The following RYR2 variants were observed in gnomAD, a reference collection of about 807,000 sequenced individuals.
RYR2 encodes the protein cardiac muscle ryanodine receptor-calcium release channel.
Under a neutral mutation model 601.1 loss-of-function variants are expected in RYR2, and 227 were observed. That is an observed-to-expected ratio of 0.38 (90% CI 0.34 to 0.42). The LOEUF (loss-of-function observed/expected upper bound fraction) is 0.42. Among genes scored for constraint, RYR2 ranks in the 10% least tolerant of loss-of-function variants. The pLI, the probability that RYR2 is intolerant of heterozygous loss-of-function variation, is 1.00. For synonymous variants in RYR2, 2,223 were observed against 2,175.1 expected (o/e 1.02, Z -0.61); for missense variants, 4,646 against 6,156.5 (o/e 0.75, Z 8.21).
chr1:237,370,720 G>T (rs1320675802), intron 6 of RYR2, among the ~76,000 whole-genome samples: 1 of 150,144 alleles, frequency 6.7e-6, no homozygotes, highest in Non-Finnish European at 1.5e-5. Context: ...GAGTGCAGTG[G>T]CGCGATCTCG....
intron 1 of RYR2, among the ~76,000 whole-genome samples, chr1:237,099,761 G>A (rs1288926677): frequency 6.6e-6 from 1 of 152,218 alleles, no homozygotes; most frequent in East Asian, 1.9e-4. Flanking sequence ...GGAAAAAGAA[G>A]GAAGAGGTGA....
chr1:237,722,332 T>C (rs1689796748), intron 73 of RYR2, among the ~76,000 whole-genome samples: 2 of 152,182 alleles, frequency 1.3e-5, no homozygotes, highest in South Asian at 2.1e-4. Flanking sequence ...TTTGTTTTAG[T>C]AGCCCTTATC....
Position 237,331,021 on chromosome 1 carries a change from G to C in RYR2, c.273+39G>C, listed in dbSNP as rs757047446. 2.7e-6 allele frequency: 4 copies of C among 1,485,714 alleles called. No individual in the cohort carries two copies. In the Admixed American group the frequency reaches 6.7e-5, roughly 25 times the overall value. 92.0% of individuals were successfully genotyped at this position (1,485,714 alleles called of 1,614,324 possible). On this transcript the variant is annotated intron_variant, in intron 3 of 104. Coordinates refer to ENST00000366574, the MANE Select transcript of RYR2 (RefSeq NM_001035.3). ...TTATGTAGACTTGTAGTATTTTAAT[G>C]AGCTCAGCTACTATAGGAACAATTT...
chr1:237,303,431 C>T (rs1328538411), intron 2 of RYR2, among the ~76,000 whole-genome samples: 1 of 150,184 alleles, frequency 6.7e-6, no homozygotes, highest in Non-Finnish European at 1.5e-5. Context: ...TCCCAAGTAG[C>T]TGGGATTACG....
chr1:237,150,727 C>T (rs189663852), intron 1 of RYR2, among the ~76,000 whole-genome samples: 14 of 152,108 alleles, frequency 9.2e-5, no homozygotes, highest in African/African-American at 2.4e-4. Flanking sequence ...TTGACAATGC[C>T]GAGATGAAGC....
intron 1 of RYR2, among the ~76,000 whole-genome samples, chr1:237,045,043 G>T (rs1660406249): frequency 6.6e-6 from 1 of 150,832 alleles, no homozygotes; most frequent in South Asian, 2.1e-4. Flanking sequence ...AAGAATTCTT[G>T]ATAGTGATGG....
chr1:237,217,431 A>C lies in RYR2; in HGVS notation c.49-53066A>C, dbSNP rs1428923755. ...TTGGATATCAGCTAGTTGTTACCAA[A>C]GTGCTTTAGGTGGTGGCTAAAAATG... is the stretch of plus-strand genomic sequence containing the variant. On this transcript the variant is annotated intron_variant, in intron 1 of 104. Coordinates refer to ENST00000366574, the MANE Select transcript of RYR2 (RefSeq NM_001035.3). Among the ~76,000 whole-genome samples the C allele has an allele frequency of 2.6e-5, 4 of 152,122 alleles. 1 individual carries two copies. The highest frequency in any genetic ancestry group is 9.7e-5 in the African/African-American group (4 of 41,418).
intron 12 of RYR2, among the ~76,000 whole-genome samples, chr1:237,440,140 A>G (rs1186883615): frequency 6.6e-6 from 1 of 152,108 alleles, no homozygotes; most frequent in Non-Finnish European, 1.5e-5. Context: ...TCAATTGTTT[A>G]TGGAGTGTTC....
At chr1:237,277,870 G>C (rs116189620) in intron 2 of RYR2, among the ~76,000 whole-genome samples, 2 of 152,052 alleles carry the variant, frequency 1.3e-5, no homozygotes, top group Non-Finnish European at 2.9e-5. Flanking sequence ...TAGGCCAACT[G>C]TTCACAAATA....
At chr1:237,565,639 G>A (rs567034983) in intron 27 of RYR2, among the ~76,000 whole-genome samples, 1 of 152,250 alleles carries the variant, frequency 6.6e-6, no homozygotes, top group South Asian at 2.1e-4. Flanking sequence ...CAGCTCCCAA[G>A]TTCCACCATT....
At chr1:237,351,348 G>A (rs146129437) in intron 3 of RYR2, among the ~76,000 whole-genome samples, 4 of 152,022 alleles carry the variant, frequency 2.6e-5, no homozygotes, top group African/African-American at 9.6e-5. Context: ...TTATGAAGTA[G>A]AATTTATGTA....
At position 237,828,419 on chromosome 1, in the gene RYR2, C is replaced by T; in HGVS notation, c.14629C>T (p.Gln4877Ter). 1 of 1,567,360 alleles carries T rather than the reference C, an allele frequency of 6.4e-7. No individual in the cohort carries two copies. Among genetic ancestry groups the T allele is most frequent in the Non-Finnish European group, 8.7e-7 (1 of 1,153,868 alleles). ...TGCTTTTGGAGAACTAAGAGACCAA[C>T]AGGAACAAGTCAAAGAAGACATGGA... Reference protein sequence around the residue: ...IDAFGELRDQQEQVKEDMETK... With the variant: ...IDAFGELRDQ The change falls in exon 102 of 105, where the codon CAG becomes TAG. Residue 4877 changes from glutamine to a stop codon, truncating the protein, a stop_gained. Transcript: ENST00000366574. LOFTEE classifies it high-confidence loss of function.
chr1:237,691,580 G>A (rs1051245603), intron 63 of RYR2, among the ~76,000 whole-genome samples: 33 of 152,170 alleles, frequency 2.2e-4, no homozygotes, highest in African/African-American at 7.7e-4. Flanking sequence ...ACACTATACA[G>A]GAATTAAGAT....
At chr1:237,533,852 T>G (rs1480661155) in intron 25 of RYR2, among the ~76,000 whole-genome samples, 1 of 152,136 alleles carries the variant, frequency 6.6e-6, no homozygotes, top group Non-Finnish European at 1.5e-5. Flanking sequence ...TTAGTAATGT[T>G]CTAATTGTTA....
At position 237,687,464 on chromosome 1, in the gene RYR2, C is replaced by A; in HGVS notation, c.9027C>A (p.Cys3009Ter). The A allele has an allele frequency of 6.4e-7, 1 of 1,563,098 alleles. No individual in the cohort carries two copies. Among genetic ancestry groups the A allele is most frequent in the Non-Finnish European group, 8.7e-7 (1 of 1,148,116 alleles). Residue 3009 changes from cysteine to a stop codon, truncating the protein, a stop_gained, in exon 63 of 105, where the codon TGC becomes TGA. Coordinates refer to ENST00000366574, the MANE Select transcript of RYR2 (RefSeq NM_001035.3). LOFTEE classifies it high-confidence loss of function. The part of the protein sequence containing the change: ...KEKEMVTSLF[C>*]KLGVLVRHRI... ...TTTCTTTTGTCTTCAGCCTATTCTGCAAACTTGGAGTTCTTGTCAGGCATA... is the reference window on the plus strand; with the variant it reads ...TTTCTTTTGTCTTCAGCCTATTCTGAAAACTTGGAGTTCTTGTCAGGCATA...
chr1:237,456,796 A>G (rs1472942255), intron 16 of RYR2, 61 bp downstream of exon 16: 20 of 1,557,794 alleles, frequency 1.3e-5, no homozygotes, highest in Admixed American at 1.7e-5. Flanking sequence ...CCATAAATGG[A>G]CTAGGTGTGA....
At chr1:237,439,325 C>T (rs933031382) in intron 12 of RYR2, among the ~76,000 whole-genome samples, 2 of 152,070 alleles carry the variant, frequency 1.3e-5, no homozygotes, top group African/African-American at 4.8e-5. Context: ...CATTTTTTAC[C>T]TCACTCAAGG....
intron 35 of RYR2, among the ~76,000 whole-genome samples, chr1:237,609,251 C>T (rs547300258): frequency 3.0e-5 from 4 of 132,136 alleles, no homozygotes; most frequent in Admixed American, 8.5e-5. Flanking sequence ...ACTCTGTCAC[C>T]CAGGCTAGAG....
intron 29 of RYR2, among the ~76,000 whole-genome samples, chr1:237,576,137 G>A (rs1673196599): frequency 6.6e-6 from 1 of 152,178 alleles, no homozygotes; most frequent in African/African-American, 2.4e-5. Flanking sequence ...GGTGTGTTAT[G>A]TTCATGGAGA....
Sources: gnomAD v4.1 joint callset for allele counts (sites outside exome capture counted in the v4.1 genomes callset) on GRCh38, gnomAD v4.1.1 for gene constraint, MANE v1.5 for transcripts, NCBI Gene and HGNC (gene_info 2026-07-23, HGNC 2026-07-21) for gene names.